The following NBAS variants were observed in gnomAD, a reference collection of about 807,000 sequenced individuals.
NBAS encodes the protein NAG/BC035112 fusion.
A neutral mutation model predicts 302.5 loss-of-function variants in NBAS; 219 were observed. The observed-to-expected ratio is 0.72, with a 90% CI of 0.65 to 0.81. The LOEUF (loss-of-function observed/expected upper bound fraction) is 0.81, where lower values mean the gene tolerates loss of function less well. Among genes scored for constraint, NBAS ranks in the 30% least tolerant of loss-of-function variants. The pLI, the probability that NBAS is intolerant of heterozygous loss-of-function variation, is 0.00. For missense variants in NBAS, 2,932 were observed against 2,841.6 expected, an observed-to-expected ratio of 1.03 and a Z score of -0.72; for synonymous variants, 1,118 against 1,021.6, an observed-to-expected ratio of 1.09 and a Z score of -1.80.
At chr2:15,275,378 G>GT in intron 44 of NBAS, 106 bp downstream of exon 44, 2 of 1,289,506 alleles carry the variant, frequency 1.6e-6, no homozygotes, top group African/African-American at 3.0e-5. Context: ...AAGCCAACAT[G>GT]TAATTATTTT....
chr2:15,288,018 G>A lies in NBAS; in HGVS notation c.5028-835C>T, dbSNP rs1558505295. On this transcript the variant is annotated intron_variant, in intron 41 of 51. Coordinates refer to ENST00000281513, the MANE Select transcript of NBAS (RefSeq NM_015909.4). Reference sequence around the variant, plus strand: ...CCCGAGCACCCAGCGTGGGCATCCCGAGCATCTGCATAGGCAGCCCCCACA... The same window carrying A: ...CCCGAGCACCCAGCGTGGGCATCCCAAGCATCTGCATAGGCAGCCCCCACA... Among the ~76,000 whole-genome samples, 9 of 152,266 alleles carry A rather than the reference G, an allele frequency of 5.9e-5. No homozygotes were observed. In the South Asian group the frequency reaches 8.3e-4, roughly 14 times the overall value.
intron 51 of NBAS, among the ~76,000 whole-genome samples, chr2:15,175,598 T>C (rs1172862804): frequency 1.3e-5 from 2 of 151,838 alleles, no homozygotes; most frequent in African/African-American, 4.8e-5. Flanking sequence ...TTACTGAGAG[T>C]GATGGAGAAG....
chr2:15,520,682 C>T (rs910506451), intron 9 of NBAS, among the ~76,000 whole-genome samples: 1 of 150,872 alleles, frequency 6.6e-6, no homozygotes, highest in African/African-American at 2.4e-5. Flanking sequence ...TCTTTATAAA[C>T]ACAGAAATTT....
chr2:15,307,068 C>G (rs1299127829), intron 40 of NBAS, among the ~76,000 whole-genome samples: 1 of 152,212 alleles, frequency 6.6e-6, no homozygotes, highest in Non-Finnish European at 1.5e-5. Context: ...GATGTGATGA[C>G]AGGACCCCGA....
rs11378139 is a variant in NBAS, at chr2:15,392,021, C to CAA, written c.3257+2205_3257+2206insTT. On this transcript the variant is annotated intron_variant, in intron 28 of 51. Transcript: ENST00000281513. Reference sequence around the variant, plus strand: ...ATGAATCACTGGCATCCTAGCACTACCAAAAAAAAAATTAAAAGAAGCCTT... The same window carrying CAA: ...ATGAATCACTGGCATCCTAGCACTACAACAAAAAAAAAATTAAAAGAAGCCTT... Among the ~76,000 whole-genome samples the CAA allele has an allele frequency of 4.9e-3, 729 of 149,342 alleles. 3 individuals are homozygous for CAA. Among genetic ancestry groups the CAA allele is most frequent in the Middle Eastern group, 6.9e-3 (2 of 288 alleles).
chr2:15,477,206 A>G (rs1680229043), intron 13 of NBAS, among the ~76,000 whole-genome samples: 1 of 152,236 alleles, frequency 6.6e-6, no homozygotes. Context: ...AATTCAAAGC[A>G]TGGAACCTGA....
At chr2:15,088,397 T>C in the NBAS span, among the ~76,000 whole-genome samples, 1 of 152,242 alleles carries the variant, frequency 6.6e-6, no homozygotes, top group East Asian at 1.9e-4. Flanking sequence ...TCAAATTATT[T>C]CTTTCTGTTT....
At chr2:15,506,747 AC>A (rs537494041) in intron 10 of NBAS, among the ~76,000 whole-genome samples, 134 of 152,308 alleles carry the variant, frequency 8.8e-4, no homozygotes, top group African/African-American at 3.2e-3. Flanking sequence ...ACAAAAGTAG[AC>A]ACCAATGTAC....
the NBAS span, among the ~76,000 whole-genome samples, chr2:15,026,076 T>C: frequency 1.3e-5 from 2 of 152,208 alleles, no homozygotes; most frequent in Admixed American, 1.3e-4. Flanking sequence ...GGGTTTGTCA[T>C]AGATGGCCCT....
chr2:15,012,114 A>G, the NBAS span, among the ~76,000 whole-genome samples: 1 of 152,248 alleles, frequency 6.6e-6, no homozygotes, highest in Non-Finnish European at 1.5e-5. Flanking sequence ...TTTTCAAAAT[A>G]ATAATCTTAA....
At chr2:14,860,736 T>C in the NBAS span, among the ~76,000 whole-genome samples, 1 of 152,086 alleles carries the variant, frequency 6.6e-6, no homozygotes, top group African/African-American at 2.4e-5. Flanking sequence ...GGTACAAATA[T>C]ACAGTTTGAT....
chr2:14,866,933 A>T, the NBAS span, among the ~76,000 whole-genome samples: 2 of 152,158 alleles, frequency 1.3e-5, no homozygotes, highest in African/African-American at 4.8e-5. Context: ...ACTACTAACA[A>T]CTCACAGATC....
chr2:14,782,648 G>A, the NBAS span, among the ~76,000 whole-genome samples: 1 of 152,078 alleles, frequency 6.6e-6, no homozygotes, highest in Non-Finnish European at 1.5e-5. Context: ...CATAAAGACA[G>A]ATGCACACAT....
At chr2:15,074,056 ATATGT>A in the NBAS span, among the ~76,000 whole-genome samples, 1 of 152,224 alleles carries the variant, frequency 6.6e-6, no homozygotes, top group Non-Finnish European at 1.5e-5. Context: ...AGATATGAAA[ATATGT>A]TATAAAGTTA....
the NBAS span, among the ~76,000 whole-genome samples, chr2:14,894,786 C>A: frequency 1.4e-4 from 22 of 152,086 alleles, no homozygotes; most frequent in African/African-American, 5.3e-4. Context: ...AGGCCGGGCA[C>A]GGTGGCTCAT....
the NBAS span, among the ~76,000 whole-genome samples, chr2:14,908,472 G>A: frequency 6.6e-6 from 1 of 152,198 alleles, no homozygotes; most frequent in Non-Finnish European, 1.5e-5. Context: ...AAATCCATGT[G>A]CTCATATAGA....
chr2:15,188,396 A>C (rs1480549890), intron 49 of NBAS, among the ~76,000 whole-genome samples: 2 of 152,066 alleles, frequency 1.3e-5, no homozygotes, highest in Admixed American at 1.3e-4. Context: ...TATTTATTCA[A>C]TTGGATTGTC....
chr2:15,131,096 G>A, the NBAS span, among the ~76,000 whole-genome samples: 3 of 152,064 alleles, frequency 2.0e-5, no homozygotes, highest in Non-Finnish European at 4.4e-5. Context: ...ATTCCTATAC[G>A]AGGTTCTTGA....
intron 21 of NBAS, among the ~76,000 whole-genome samples, chr2:15,440,396 C>A (rs996898568): frequency 1.3e-5 from 2 of 152,224 alleles, no homozygotes; most frequent in South Asian, 2.1e-4. Context: ...CCCAGGCAAA[C>A]AGGGTCTGGA....
Sources: allele counts gnomAD v4.1 joint callset (sites outside exome capture counted in the v4.1 genomes callset), GRCh38; gene constraint gnomAD v4.1.1; transcripts MANE v1.5; gene names NCBI Gene and HGNC (gene_info 2026-07-23, HGNC 2026-07-21).